CAMTA1: variants seen among roughly 807,000 people sequenced by gnomAD.
The protein encoded by CAMTA1 is calmodulin binding transcription activator 1.
CAMTA1 carries 27 observed loss-of-function variants against 170.9 expected under a neutral mutation model. The observed-to-expected ratio is 0.16, with a 90% CI of 0.12 to 0.22. The LOEUF is 0.22. Among genes scored for constraint, CAMTA1 ranks in the 10% least tolerant of loss-of-function variants. The probability of loss-of-function intolerance (pLI) is 1.00; values close to 1 mark genes in which losing one functional copy is unlikely to be tolerated. For synonymous variants in CAMTA1, 833 were observed against 891.5 expected, an observed-to-expected ratio of 0.93 and a Z score of 1.17; for missense variants, 1,619 against 2,217.2, an observed-to-expected ratio of 0.73 and a Z score of 5.42.
chr1:7,395,132 C>A (rs746858408), intron 5 of CAMTA1, among the ~76,000 whole-genome samples: 7 of 152,346 alleles, frequency 4.6e-5, no homozygotes, highest in Non-Finnish European at 1.0e-4. Context: ...ATCCACCCGC[C>A]TCAGCCTCCC....
At chr1:7,247,102 A>G (rs920272323) in intron 4 of CAMTA1, among the ~76,000 whole-genome samples, 3 of 152,228 alleles carry the variant, frequency 2.0e-5, no homozygotes, top group African/African-American at 7.2e-5. Flanking sequence ...ACAAGTTCTA[A>G]TAAAATCAGA....
At chr1:7,252,487 G>C (rs1321179780) in intron 5 of CAMTA1, among the ~76,000 whole-genome samples, 1 of 152,222 alleles carries the variant, frequency 6.6e-6, no homozygotes, top group Admixed American at 6.5e-5. Context: ...TGGACCAAGG[G>C]TGGGGAAGCC....
At chr1:6,992,782 C>T (rs913529890) in intron 3 of CAMTA1, among the ~76,000 whole-genome samples, 2 of 152,160 alleles carry the variant, frequency 1.3e-5, no homozygotes, top group African/African-American at 2.4e-5. Context: ...GGGGGAAATG[C>T]GTTGCCATGA....
At chr1:7,432,081 C>T (rs1023885144) in intron 5 of CAMTA1, among the ~76,000 whole-genome samples, 4 of 152,178 alleles carry the variant, frequency 2.6e-5, no homozygotes, top group African/African-American at 4.8e-5. Context: ...GGAAGATGAT[C>T]GAACAACGCT....
At chr1:7,388,647 C>T (rs2088308157) in intron 5 of CAMTA1, among the ~76,000 whole-genome samples, 1 of 152,190 alleles carries the variant, frequency 6.6e-6, no homozygotes, top group Non-Finnish European at 1.5e-5. Flanking sequence ...AACGTCCTGG[C>T]CTTGGTCTCC....
chr1:7,716,362 C>A (rs915134668), intron 11 of CAMTA1, among the ~76,000 whole-genome samples: 1 of 152,098 alleles, frequency 6.6e-6, no homozygotes, highest in Non-Finnish European at 1.5e-5. Context: ...CCATTAGGAC[C>A]TATTTTATTA....
intron 4 of CAMTA1, among the ~76,000 whole-genome samples, chr1:7,163,056 A>G (rs777484720): frequency 6.6e-6 from 1 of 151,930 alleles, no homozygotes; most frequent in Non-Finnish European, 1.5e-5. Flanking sequence ...CTCTGCCTTC[A>G]AGATTGTGTA....
rs577013455 is a variant in CAMTA1 at position 7,311,338 on chromosome 1, T to C, written c.438+61712T>C. On this transcript the variant is annotated intron_variant, in intron 5 of 22. Coordinates refer to ENST00000303635, the MANE Select transcript of CAMTA1 (RefSeq NM_015215.4). Reference sequence around the variant, plus strand: ...TTCTCTCTTATTCAGATTGGATAATTTTTATTCAAGCTCACTTTTTCCTGT... The same window carrying C: ...TTCTCTCTTATTCAGATTGGATAATCTTTATTCAAGCTCACTTTTTCCTGT... Among the ~76,000 whole-genome samples the C allele has an allele frequency of 1.8e-4, 28 of 152,312 alleles. 3 individuals carry two copies. The South Asian group carries it at 5.8e-3, about 32-fold the overall frequency.
chr1:7,715,779 G>A (rs2096605209), intron 11 of CAMTA1, among the ~76,000 whole-genome samples: 1 of 152,232 alleles, frequency 6.6e-6, no homozygotes, highest in Non-Finnish European at 1.5e-5. Context: ...GAGGAACTGA[G>A]TGCCGTGCCG....
At chr1:6,832,085 T>A (rs1343096718) in intron 3 of CAMTA1, among the ~76,000 whole-genome samples, 1 of 152,010 alleles carries the variant, frequency 6.6e-6, no homozygotes, top group African/African-American at 2.4e-5. Flanking sequence ...CCTTATTTTT[T>A]TTTATTTTTT....
chr1:6,810,964 G>A (rs188727526), intron 1 of CAMTA1, among the ~76,000 whole-genome samples: 1 of 152,230 alleles, frequency 6.6e-6, no homozygotes, highest in African/African-American at 2.4e-5. Flanking sequence ...AGCTTTCAGA[G>A]GCGGAAGTTT....
chr1:7,351,941 A>G (rs534500791), intron 5 of CAMTA1, among the ~76,000 whole-genome samples: 6 of 152,362 alleles, frequency 3.9e-5, no homozygotes, highest in African/African-American at 1.4e-4. Flanking sequence ...TTTATACAAA[A>G]GAGAACAAAG....
rs1467576880 is a variant in CAMTA1 at position 7,752,552 on chromosome 1, A to G, written c.4958+19A>G. The stretch of plus-strand genomic sequence containing the variant: ...GCCACAGGTACACTAGTCCTTGTTT[A>G]TACATTCTGCTCAGGGAGAATGATG... On this transcript the variant is annotated intron_variant, in intron 21 of 22. Transcript: ENST00000303635. The G allele has an allele frequency of 1.3e-6, 2 of 1,580,966 alleles. No individual in the cohort carries two copies. The highest frequency in any genetic ancestry group is 2.3e-5 in the South Asian group (2 of 85,518).
At chr1:6,822,803 CACACACACACACACACACACACAA>C (rs963614230) in intron 2 of CAMTA1, among the ~76,000 whole-genome samples, 2 of 140,178 alleles carry the variant, frequency 1.4e-5, no homozygotes, top group African/African-American at 2.5e-5. Context: ...ACCACACACA[CACACACACACACACACACACACAA>C]ACACACACAC....
At chr1:7,029,250 C>T (rs1367301525) in intron 3 of CAMTA1, among the ~76,000 whole-genome samples, 1 of 151,738 alleles carries the variant, frequency 6.6e-6, no homozygotes, top group Non-Finnish European at 1.5e-5. Flanking sequence ...GCCTGTAATC[C>T]CAGCACTTTG....
chr1:6,965,105 C>T lies in CAMTA1; in HGVS notation c.235-126199C>T, dbSNP rs1205406240. Among the ~76,000 whole-genome samples, 1 of 152,164 alleles carries T rather than the reference C, an allele frequency of 6.6e-6. No homozygotes were observed. The highest frequency in any genetic ancestry group is 1.5e-5 in the Non-Finnish European group (1 of 68,046). On this transcript the variant is annotated intron_variant, in intron 3 of 22. Transcript: ENST00000303635. The surrounding 1 kb of genome is among the most constrained non-coding windows in gnomAD (Gnocchi z 4.1). The stretch of plus-strand genomic sequence containing the variant: ...GTGCATGGTGCTGGCAAGGAAGAAG[C>T]AGGGCCAGCGGAAGGGCTGTATTTC...
intron 5 of CAMTA1, among the ~76,000 whole-genome samples, chr1:7,317,585 C>T (rs538652332): frequency 3.3e-5 from 5 of 152,308 alleles, no homozygotes; most frequent in African/African-American, 7.2e-5. Flanking sequence ...GACTCTTTGT[C>T]GGTGCTCTCT....
chr1:7,424,217 C>T (rs1023141715), intron 5 of CAMTA1, among the ~76,000 whole-genome samples: 1 of 152,192 alleles, frequency 6.6e-6, no homozygotes, highest in African/African-American at 2.4e-5. Context: ...CTGCTTCTCT[C>T]TGGTACCAAC....
At chr1:7,051,733 A>T (rs1203481114) in intron 3 of CAMTA1, among the ~76,000 whole-genome samples, 1 of 119,978 alleles carries the variant, frequency 8.3e-6, no homozygotes, top group Non-Finnish European at 2.0e-5. Flanking sequence ...ACTCAGGACC[A>T]GCCTGTGACA....
Sources: allele counts gnomAD v4.1 joint callset (sites outside exome capture counted in the v4.1 genomes callset), GRCh38; gene constraint gnomAD v4.1.1; non-coding constraint Gnocchi (gnomAD v3.1); transcripts MANE v1.5; gene names NCBI Gene and HGNC (gene_info 2026-07-23, HGNC 2026-07-21).